Variants in DMXL1 observed in about 807,000 individuals in gnomAD.
The protein encoded by DMXL1 is Dmx like 1, also known as dmX-like protein 1.
DMXL1 carries 99 observed loss-of-function variants against 319.2 expected under a neutral mutation model. The ratio of observed to expected loss-of-function variants is 0.31; its 90% CI spans 0.26 to 0.37. The LOEUF is 0.37. DMXL1 is among the 10% of genes least tolerant of loss of function. The pLI, the probability that DMXL1 is intolerant of heterozygous loss-of-function variation, is 1.00. For synonymous variants in DMXL1, 1,385 were observed against 1,235.2 expected (o/e 1.12, Z -2.54); for missense variants, 3,745 against 3,595.6 (o/e 1.04, Z -1.06).
Position 119,150,166 on chromosome 5 carries a change from T to C in DMXL1, c.4339T>C (p.Phe1447Leu). Residue 1447 changes from phenylalanine (F) to leucine (L), a missense_variant, in exon 18 of 44, where the codon TTT becomes CTT. Coordinates refer to ENST00000539542, the MANE Select transcript of DMXL1 (RefSeq NM_001290321.3). ...ATCTAAAGAAAGTTATGATGAGCTT[T>C]TTCAGACTCAACTTCTAATGACTGA... ...QLSKESYDEL[F>L]QTQLLMTDTH... 1 of 1,613,848 alleles carries C rather than the reference T, an allele frequency of 6.2e-7. No individual in the cohort carries two copies. Among genetic ancestry groups the C allele is most frequent in the South Asian group, 1.1e-5 (1 of 91,068 alleles).
chr5:119,078,641 G>A (rs1751523916), intron 1 of DMXL1, among the ~76,000 whole-genome samples: 1 of 151,950 alleles, frequency 6.6e-6, no homozygotes, highest in Admixed American at 6.6e-5. Flanking sequence ...ATGCGGAGAT[G>A]GGGTCCCACT....
intron 2 of DMXL1, among the ~76,000 whole-genome samples, chr5:119,100,437 T>TAA (rs767262000): frequency 9.4e-5 from 12 of 128,156 alleles, no homozygotes; most frequent in Admixed American, 2.4e-4. Context: ...CTCCGTCTCA[T>TAA]AAAAAAAAAA....
At chr5:119,174,971 C>G (rs1419080211) in intron 25 of DMXL1, among the ~76,000 whole-genome samples, 1 of 152,170 alleles carries the variant, frequency 6.6e-6, no homozygotes, top group Non-Finnish European at 1.5e-5. Context: ...ATGGTTCATG[C>G]TCTACTGGAG....
chr5:119,121,946 T>C lies in DMXL1; in HGVS notation c.1102+807T>C, dbSNP rs1762176466. Among the ~76,000 whole-genome samples the C allele has an allele frequency of 3.5e-5, 5 of 140,940 alleles. No individual in the cohort carries two copies. In the South Asian group the frequency reaches 1.2e-3, roughly 33 times the overall value. 92.5% of individuals were successfully genotyped at this position (140,940 alleles called of 152,430 possible). On this transcript the variant is annotated intron_variant, in intron 9 of 43. Transcript: ENST00000539542. Reference sequence around the variant, plus strand: ...CCACCTCCCTCCCGGACGGGGCGGCTGGCCGGGCAGAGTGGCTCCTCACTT... The same window carrying C: ...CCACCTCCCTCCCGGACGGGGCGGCCGGCCGGGCAGAGTGGCTCCTCACTT...
chr5:119,175,065 G>A (rs1254328232), intron 25 of DMXL1, among the ~76,000 whole-genome samples, 196 bp from the exon 26 acceptor site: 1 of 152,056 alleles, frequency 6.6e-6, no homozygotes, highest in South Asian at 2.1e-4. Flanking sequence ...AGACTTTAGC[G>A]TGTTTTCTTT....
chr5:119,122,864 C>A (rs1401799452), intron 9 of DMXL1, among the ~76,000 whole-genome samples: 1 of 150,892 alleles, frequency 6.6e-6, no homozygotes, highest in Non-Finnish European at 1.5e-5. Flanking sequence ...AGACGATGGG[C>A]GGCCAGGCAG....
chr5:119,162,475 C>T (rs1772481910), intron 19 of DMXL1, among the ~76,000 whole-genome samples: 2 of 152,184 alleles, frequency 1.3e-5, no homozygotes, highest in Non-Finnish European at 2.9e-5. Context: ...ATCTCTGCTC[C>T]ATAGTTGACA....
intron 38 of DMXL1, among the ~76,000 whole-genome samples, chr5:119,225,026 C>A (rs548757228): frequency 2.0e-5 from 3 of 151,918 alleles, no homozygotes; most frequent in Admixed American, 1.3e-4. Context: ...TCAAAATTTG[C>A]GACTACCAAT....
chr5:119,225,592 A>AT (rs1319877338), intron 38 of DMXL1, among the ~76,000 whole-genome samples: 7 of 152,076 alleles, frequency 4.6e-5, no homozygotes, highest in African/African-American at 1.7e-4. Context: ...CTCTTGGGAG[A>AT]TATTCTGATA....
chr5:119,121,227 T>G (rs1761976453), intron 9 of DMXL1, 88 bp downstream of exon 9: 1 of 1,155,110 alleles, frequency 8.7e-7, no homozygotes, highest in Non-Finnish European at 1.2e-6. Flanking sequence ...TTCAAATAAG[T>G]AAAATATTGG....
rs779668255 is a variant in DMXL1 at position 119,129,170 on chromosome 5, G to C, written c.1103-41G>C. 1.0e-5 allele frequency: 13 copies of C among 1,285,262 alleles called. No homozygotes were observed. In the Admixed American group the frequency reaches 2.9e-4, roughly 29 times the overall value. The allele number at this position is 1,285,262 out of a possible 1,614,324, so 79.6% of individuals were successfully genotyped here. A position where few individuals can be genotyped will look rare whatever the true frequency, so the allele number is the denominator to read the frequency against. On this transcript the variant is annotated intron_variant, in intron 9 of 43. Transcript: ENST00000539542. Reference sequence around the variant, plus strand: ...TGAAACATGGATGTTTCATATGCTAGAAGGTAAAAATTTTAATTTTATCTT... The same window carrying C: ...TGAAACATGGATGTTTCATATGCTACAAGGTAAAAATTTTAATTTTATCTT...
rs548570321 is a variant in DMXL1 at position 119,188,037 on chromosome 5, A to G, written c.7136-1671A>G. On this transcript the variant is annotated intron_variant, in intron 28 of 43. Coordinates refer to ENST00000539542, the MANE Select transcript of DMXL1 (RefSeq NM_001290321.3). ...AACATTTCCTCCCAGTGTGGTTAAT[A>G]TTTTCATGTCACGTGACTGGATTCA... is the stretch of plus-strand genomic sequence containing the variant. Among the ~76,000 whole-genome samples the G allele has an allele frequency of 3.3e-5, 5 of 152,230 alleles. No individual in the cohort carries two copies. In the East Asian group the frequency reaches 7.7e-4, roughly 23 times the overall value.
chr5:119,208,044 T>C (rs1330173914), intron 34 of DMXL1, among the ~76,000 whole-genome samples: 2 of 152,072 alleles, frequency 1.3e-5, no homozygotes, highest in African/African-American at 4.8e-5. Context: ...AGGTGTATAT[T>C]ATAACTAAAA....
rs532896279 is a variant in DMXL1, at chr5:119,168,526, C to T, written c.5398+662C>T. Among the ~76,000 whole-genome samples the T allele has an allele frequency of 2.6e-5, 4 of 152,278 alleles. No homozygotes were observed. In the East Asian group the frequency reaches 5.8e-4, roughly 22 times the overall value. Reference sequence around the variant, plus strand: ...ATACTAATTGGAAAAGGGTCTAGTTCATAGATTTTTATGTGCTATCATTTA... The same window carrying T: ...ATACTAATTGGAAAAGGGTCTAGTTTATAGATTTTTATGTGCTATCATTTA... On this transcript the variant is annotated intron_variant, in intron 23 of 43. Transcript: ENST00000539542.
At chr5:119,074,297 G>A (rs192531738) in intron 1 of DMXL1, among the ~76,000 whole-genome samples, 84 of 152,368 alleles carry the variant, frequency 5.5e-4, no homozygotes, top group African/African-American at 1.9e-3. Context: ...TAGATGGTAT[G>A]TGAAGACTAA....
chr5:119,224,573 G>A (rs1365183845), intron 37 of DMXL1, 136 bp from the exon 38 acceptor site: 3 of 365,180 alleles, frequency 8.2e-6, no homozygotes, highest in Non-Finnish European at 1.5e-5. Context: ...ATCATGTTTA[G>A]TATTTTTAGC....
chr5:119,093,678 G>T (rs1421240865), intron 1 of DMXL1, among the ~76,000 whole-genome samples: 1 of 152,162 alleles, frequency 6.6e-6, no homozygotes, highest in Non-Finnish European at 1.5e-5. Context: ...GGTGTGTCAA[G>T]ATGGGCCAAA....
At chr5:119,142,182 C>G (rs1767528054) in intron 13 of DMXL1, among the ~76,000 whole-genome samples, 1 of 152,070 alleles carries the variant, frequency 6.6e-6, no homozygotes, top group South Asian at 2.1e-4. Context: ...TAGGCGATAC[C>G]ATTCTGGACA....
At position 119,165,369 on chromosome 5, in the gene DMXL1, G is replaced by C. The variant is rs556334328; in HGVS notation, c.4970+89G>C. The C allele has an allele frequency of 1.9e-5, 13 of 679,728 alleles. No individual in the cohort carries two copies. The African/African-American group carries it at 2.2e-4, about 11-fold the overall frequency. The allele number at this position is 679,728 out of a possible 1,614,324, so 42.1% of individuals were successfully genotyped here. On this transcript the variant is annotated intron_variant, in intron 21 of 43. Coordinates refer to ENST00000539542, the MANE Select transcript of DMXL1 (RefSeq NM_001290321.3). ...GAATGAAGTAAGATTTGTTGTTCTT[G>C]TTGATGTTGATTCATGTAGATTCTT...
Sources: gnomAD v4.1 joint callset for allele counts (sites outside exome capture counted in the v4.1 genomes callset) on GRCh38, gnomAD v4.1.1 for gene constraint, MANE v1.5 for transcripts, NCBI Gene and HGNC (gene_info 2026-07-23, HGNC 2026-07-21) for gene names.